The following DNAJC24 variants were observed in gnomAD, a reference collection of about 807,000 sequenced individuals.
DNAJC24 encodes dnaJ homolog subfamily C member 24.
Under a neutral mutation model 18.0 loss-of-function variants are expected in DNAJC24, and 17 were observed. The observed-to-expected ratio is 0.94, with a 90% CI of 0.65 to 1.42. The LOEUF (loss-of-function observed/expected upper bound fraction) is 1.42. DNAJC24 is among the 40% of genes most tolerant of loss of function. The pLI is 0.00. For synonymous variants in DNAJC24, 55 were observed against 57.7 expected (o/e 0.95, Z 0.21); for missense variants, 158 against 175.6 (o/e 0.90, Z 0.57).
At chr11:31,406,172 A>G (rs981763492) in intron 2 of DNAJC24, among the ~76,000 whole-genome samples, 2 of 152,130 alleles carry the variant, frequency 1.3e-5, no homozygotes, top group Admixed American at 1.3e-4. Flanking sequence ...TCATTCCTCA[A>G]TTTGAAAAGT....
intron 2 of DNAJC24, among the ~76,000 whole-genome samples, chr11:31,402,535 G>T (rs1006217113): frequency 5.3e-5 from 8 of 152,082 alleles, no homozygotes; most frequent in Non-Finnish European, 1.0e-4. Flanking sequence ...TAGAGACAGG[G>T]TCTTGCTCTG....
At chr11:31,407,931 T>A (rs1269874612) in intron 2 of DNAJC24, among the ~76,000 whole-genome samples, 2 of 150,132 alleles carry the variant, frequency 1.3e-5, no homozygotes, top group Non-Finnish European at 3.0e-5. Flanking sequence ...AATAAACAGG[T>A]TAAAATACCA....
chr11:31,379,859 G>A (rs1285515255), intron 2 of DNAJC24, among the ~76,000 whole-genome samples: 1 of 152,024 alleles, frequency 6.6e-6, no homozygotes, highest in Non-Finnish European at 1.5e-5. Context: ...CCAGGTTCAA[G>A]CGATTCTCCT....
chr11:31,408,477 T>C lies in DNAJC24; in HGVS notation c.112-6334T>C, dbSNP rs188110267. 204 of 238,074 alleles carry C rather than the reference T, an allele frequency of 8.6e-4. 1 individual carries two copies. Among genetic ancestry groups the C allele is most frequent in the African/African-American group, 4.4e-3 (191 of 43,698 alleles). The allele number at this position is 238,074 out of a possible 1,614,324, so 14.7% of individuals were successfully genotyped here. ...ATTTAGAAAGCACTTAGACTTAATA[T>C]GTAGAGAGACTTTAAAATCAAAATA... On this transcript the variant is annotated intron_variant, in intron 2 of 4. Transcript: ENST00000465995.
chr11:31,400,266 A>G (rs957325879), intron 2 of DNAJC24, among the ~76,000 whole-genome samples: 21 of 152,310 alleles, frequency 1.4e-4, no homozygotes, highest in Admixed American at 4.6e-4. Flanking sequence ...TCCATTGGGT[A>G]TATACCCAGT....
intron 3 of DNAJC24, among the ~76,000 whole-genome samples, chr11:31,424,081 T>C (rs2133504688): frequency 6.6e-6 from 1 of 152,262 alleles, no homozygotes; most frequent in South Asian, 2.1e-4. Flanking sequence ...GCAGTTGTAT[T>C]TGCAAGTCAG....
chr11:31,432,256 G>A lies in DNAJC24; in HGVS notation c.*1855G>A. 1 of 437,936 alleles carries A rather than the reference G, an allele frequency of 2.3e-6. No homozygotes were observed. The highest frequency in any genetic ancestry group is 4.1e-6 in the Non-Finnish European group (1 of 242,696). The allele number at this position is 437,936 out of a possible 1,614,324, so 27.1% of individuals were successfully genotyped here. The stretch of plus-strand genomic sequence containing the variant: ...ATTCAAAAGTGAGGTAGTCATCCAG[G>A]TTCCCCCTCCCACAATATTTTTGTA... On this transcript the variant is annotated 3_prime_UTR_variant, in exon 5 of 5. Coordinates refer to ENST00000465995, the MANE Select transcript of DNAJC24 (RefSeq NM_181706.5).
At chr11:31,372,774 T>TGG (rs1952278238) in intron 2 of DNAJC24, among the ~76,000 whole-genome samples, 2 of 135,934 alleles carry the variant, frequency 1.5e-5, no homozygotes, top group Non-Finnish European at 3.4e-5. Context: ...TATTGGAGTT[T>TGG]TTGCAATTTT....
At chr11:31,374,203 C>T (rs1952291560) in intron 2 of DNAJC24, 3 of 350,042 alleles carry the variant, frequency 8.6e-6, no homozygotes, top group Non-Finnish European at 1.8e-5. Flanking sequence ...CAATGTTTTA[C>T]CAGTAAGTAT....
intron 3 of DNAJC24, chr11:31,417,187 C>T (rs1952758174): frequency 6.6e-6 from 1 of 152,016 alleles, no homozygotes; most frequent in Admixed American, 6.6e-5. Context: ...ACCAGAGGCT[C>T]CAAATACTGA....
intron 2 of DNAJC24, among the ~76,000 whole-genome samples, chr11:31,412,696 A>G (rs1438980199): frequency 6.6e-6 from 1 of 152,214 alleles, no homozygotes; most frequent in Non-Finnish European, 1.5e-5. Flanking sequence ...ATTAGTTTAA[A>G]TATCTAAATG....
At chr11:31,422,037 C>A in intron 3 of DNAJC24, 1 of 400,174 alleles carries the variant, frequency 2.5e-6, no homozygotes, top group Admixed American at 2.9e-5. Flanking sequence ...GACAATGGAG[C>A]CACAGAATTC....
At chr11:31,417,476 ATAATTTG>A (rs989172728) in intron 3 of DNAJC24, 18 of 152,114 alleles carry the variant, frequency 1.2e-4, no homozygotes, top group Non-Finnish European at 2.2e-4. Flanking sequence ...TTTGAGAGTA[ATAATTTG>A]TTAAAGACCA....
chr11:31,421,214 T>A (rs978448113), intron 3 of DNAJC24, among the ~76,000 whole-genome samples: 2 of 152,206 alleles, frequency 1.3e-5, no homozygotes, highest in African/African-American at 4.8e-5. Context: ...TATGTTCAAG[T>A]TACTTCCCAC....
intron 2 of DNAJC24, among the ~76,000 whole-genome samples, chr11:31,398,402 A>C (rs1952565041): frequency 6.6e-6 from 1 of 152,156 alleles, no homozygotes; most frequent in South Asian, 2.1e-4. Flanking sequence ...CTGTATACCT[A>C]TATATGTTAG....
intron 2 of DNAJC24, among the ~76,000 whole-genome samples, chr11:31,388,092 AGAAG>A (rs1952448378): frequency 6.6e-6 from 1 of 152,146 alleles, no homozygotes; most frequent in African/African-American, 2.4e-5. Flanking sequence ...AAATAAAAAA[AGAAG>A]GAAGCATGCC....
intron 4 of DNAJC24, among the ~76,000 whole-genome samples, chr11:31,428,174 C>T (rs565634826): frequency 5.9e-5 from 9 of 151,960 alleles, no homozygotes; most frequent in Non-Finnish European, 7.4e-5. Flanking sequence ...AATCATCAAG[C>T]GTTATCATCA....
chr11:31,399,002 G>T (rs1038655664), intron 2 of DNAJC24, among the ~76,000 whole-genome samples: 7 of 152,124 alleles, frequency 4.6e-5, no homozygotes, highest in African/African-American at 1.7e-4. Flanking sequence ...GGAGGTAAAG[G>T]GTTGATATCA....
Position 31,414,851 on chromosome 11 carries a change from C to G in DNAJC24, c.152C>G (p.Thr51Arg). ...DKQSTDVPAG[T>R]VEECVQKFIE... ...CAAAGTACAGATGTACCAGCAGGAA[C>G]AGTGGAGGAATGTGTACAGAAGTTC... Residue 51 changes from threonine to arginine, a missense_variant, in exon 3 of 5, where the codon ACA (threonine) becomes AGA (arginine). Physicochemically the swap from Thr to Arg is moderately conservative, Grantham distance 71. Coordinates refer to ENST00000465995, the MANE Select transcript of DNAJC24 (RefSeq NM_181706.5). The G allele has an allele frequency of 6.2e-7, 1 of 1,613,860 alleles. No individual in the cohort carries two copies. Among genetic ancestry groups the G allele is most frequent in the Non-Finnish European group, 8.5e-7 (1 of 1,179,848 alleles).
Sources: gnomAD v4.1 joint callset for allele counts (sites outside exome capture counted in the v4.1 genomes callset) on GRCh38, gnomAD v4.1.1 for gene constraint, MANE v1.5 for transcripts, NCBI Gene and HGNC (gene_info 2026-07-23, HGNC 2026-07-21) for gene names.